NRBP2: variants seen among roughly 807,000 people sequenced by gnomAD.
NRBP2 encodes the protein nuclear receptor binding protein 2.
Under a neutral mutation model 74.4 loss-of-function variants are expected in NRBP2, and 47 were observed. The ratio of observed to expected loss-of-function variants is 0.63; its 90% CI spans 0.50 to 0.81. NRBP2 has a LOEUF of 0.81. Among genes scored for constraint, NRBP2 ranks in the 30% least tolerant of loss-of-function variants. NRBP2 has a pLI of 0.00. For synonymous variants in NRBP2, 312 were observed against 273.8 expected, an observed-to-expected ratio of 1.14 and a Z score of -1.38; for missense variants, 613 against 690.1, an observed-to-expected ratio of 0.89 and a Z score of 1.25.
At chr8:143,830,434 C>T (rs1818107614), downstream of NRBP2, among the ~76,000 whole-genome samples, 1 of 152,260 alleles carries the variant, frequency 6.6e-6, no homozygotes, top group South Asian at 2.1e-4. Flanking sequence ...TGAGGCCCTG[C>T]TCAAGCAAGG....
In NRBP2 at chr8:143,835,771, C is replaced by T. The variant is rs782763304; in HGVS notation, c.1438-41G>A. ...GGCATGGGGGACGGAGGGGCGCGGC[C>T]TGCCCCGTGCGCCCCCTCCGCCAGG... On this transcript the variant is annotated intron_variant, in intron 17 of 17. Coordinates refer to ENST00000442628, the MANE Select transcript of NRBP2 (RefSeq NM_178564.4). The surrounding 1 kb of genome is among the most constrained non-coding windows in gnomAD (Gnocchi z 4.9). The T allele has an allele frequency of 5.0e-6, 8 of 1,602,192 alleles. No homozygotes were observed. In the Admixed American group the frequency reaches 5.1e-5, roughly 10 times the overall value.
rs782063840 is a variant in NRBP2, at chr8:143,835,899, G to A, written c.1382-24C>T. Reference sequence around the variant, plus strand: ...CGCTGAGGCAATGGCGTAAGGCGAGGCATGAGGCCGCTGCCCACCCGCCGC... The same window carrying A: ...CGCTGAGGCAATGGCGTAAGGCGAGACATGAGGCCGCTGCCCACCCGCCGC... On this transcript the variant is annotated intron_variant, in intron 16 of 17. Transcript: ENST00000442628. The surrounding 1 kb of genome is among the most constrained non-coding windows in gnomAD (Gnocchi z 4.9). 2 of 1,598,514 alleles carry A rather than the reference G, an allele frequency of 1.3e-6. No individual in the cohort carries two copies. Among genetic ancestry groups the A allele is most frequent in the East Asian group, 2.2e-5 (1 of 44,566 alleles).
At chr8:143,830,401 C>T (rs556013805), downstream of NRBP2, among the ~76,000 whole-genome samples, 10 of 152,244 alleles carry the variant, frequency 6.6e-5, no homozygotes, top group Non-Finnish European at 1.3e-4. Context: ...GTGTCTGAGA[C>T]GTGAGCTCCA....
chr8:143,837,360 G>T lies in NRBP2; in HGVS notation c.1076+47C>A, dbSNP rs782313008. The T allele has an allele frequency of 3.3e-6, 5 of 1,528,832 alleles. No homozygotes were observed. In the South Asian group the frequency reaches 4.7e-5, roughly 14 times the overall value. The allele number at this position is 1,528,832 out of a possible 1,614,324, so 94.7% of individuals were successfully genotyped here. ...CGGGGCGAGGGGAGGGGAGGTGCGG[G>T]GAGGGGAGGTGTGGGGAGGGGAGGC... On this transcript the variant is annotated intron_variant, in intron 12 of 17. Coordinates refer to ENST00000442628, the MANE Select transcript of NRBP2 (RefSeq NM_178564.4). The surrounding 1 kb of genome is among the most constrained non-coding windows in gnomAD (Gnocchi z 4.3).
chr8:143,837,147 A>G lies in NRBP2; in HGVS notation c.1155T>C (p.Phe385=), dbSNP rs782656325. 1 of 1,612,292 alleles carries G rather than the reference A, an allele frequency of 6.2e-7. No homozygotes were observed. The highest frequency in any genetic ancestry group is 8.5e-7 in the Non-Finnish European group (1 of 1,178,734). Residue 385 remains phenylalanine, a synonymous_variant, in exon 14 of 18, where the codon TTT becomes TTC. Transcript: ENST00000442628. This position sits in a 1 kb window ranked among gnomAD's most constrained non-coding sequence, Gnocchi z 4.3. ...VRNGIYPLMN[F]AATRPLGLPR... is the part of the protein sequence containing the mutation. ...GCAGCCCCAGGGGTCGAGTGGCTGC[A>G]AAGTTCATCAGTGGGTAGATTCCAT...
chr8:143,833,354 TCTC>T (rs1818229697), downstream of NRBP2: 2 of 152,124 alleles, frequency 1.3e-5, no homozygotes, highest in South Asian at 4.1e-4. Context: ...CACCGTGTTC[TCTC>T]CTGAGACGTG....
chr8:143,839,817 G>A lies in NRBP2; in HGVS notation c.363C>T (p.Phe121=). 6.5e-7 allele frequency: 1 copy of A among 1,536,114 alleles called. No homozygotes were observed. The highest frequency in any genetic ancestry group is 8.7e-7 in the Non-Finnish European group (1 of 1,146,872). ...TGCCTGATGACACGTACTCTGTGAT[G>A]AAGATGACCTGCACGGTGCGAGCTC... ...DTSEACARVI[F]ITEYVSSGSL... Residue 121 remains phenylalanine, a synonymous_variant, in exon 4 of 18, where the codon TTC becomes TTT. Transcript: ENST00000442628. This position sits in a 1 kb window ranked among gnomAD's most constrained non-coding sequence, Gnocchi z 5.1.
chr8:143,839,489 AGGCCAGCCCAGGCCCTCACCTGAG>A lies in NRBP2; in HGVS notation c.481_485+19del. The A allele has an allele frequency of 6.5e-7, 1 of 1,532,196 alleles. No homozygotes were observed. The highest frequency in any genetic ancestry group is 8.7e-7 in the Non-Finnish European group (1 of 1,145,278). The allele number at this position is 1,532,196 out of a possible 1,614,324, so 94.9% of individuals were successfully genotyped here. On this transcript the variant is annotated splice_donor_variant and splice_donor_5th_base_variant and coding_sequence_variant and intron_variant, in exon 5 of 18. Coordinates refer to ENST00000442628, the MANE Select transcript of NRBP2 (RefSeq NM_178564.4). LOFTEE classifies it high-confidence loss of function. This position sits in a 1 kb window ranked among gnomAD's most constrained non-coding sequence, Gnocchi z 5.1. ...ATGGGGGCTCGGTGGCGCCGCGCCCAGGCCAGCCCAGGCCCTCACCTGAGCGCAGACAGGATCTGCGTGCACCAG... is the reference window on the plus strand; with the variant it reads ...ATGGGGGCTCGGTGGCGCCGCGCCCACGCAGACAGGATCTGCGTGCACCAG...
Position 143,839,173 on chromosome 8 carries a change from A to T in NRBP2, c.603T>A (p.Asn201Lys). 1.3e-6 allele frequency: 2 copies of T among 1,526,558 alleles called. No individual in the cohort carries two copies. Among genetic ancestry groups the T allele is most frequent in the Non-Finnish European group, 1.8e-6 (2 of 1,140,746 alleles). 94.6% of individuals were successfully genotyped at this position (1,526,558 alleles called of 1,614,324 possible). Residue 201 changes from asparagine to lysine, a missense_variant and splice_region_variant, in exon 7 of 18, where the codon AAT becomes AAA. Asn to Lys is a moderately conservative substitution (Grantham distance 94). This residue lies in a region of NRBP2 where 332 missense variants were observed against 429.2 expected (regional missense o/e 0.77). Transcript: ENST00000442628. This position sits in a 1 kb window ranked among gnomAD's most constrained non-coding sequence, Gnocchi z 5.1. ...CGTCCCCCCAAAGTCCGCACTTACC[A>T]TTGGAGAAGATTCGGTGCCACACTG... Reference protein sequence around the residue: ...IGSVWHRIFSNALPDDLRSPI... With the variant: ...IGSVWHRIFSKALPDDLRSPI...
chr8:143,837,966 C>T lies in NRBP2; in HGVS notation c.841-211G>A. ...GGACAGCTGGGTTCTGGGATTGGAG[C>T]ACCATGCTCTGCTTCCCTCGACCCC... On this transcript the variant is annotated intron_variant, in intron 10 of 17. Coordinates refer to ENST00000442628, the MANE Select transcript of NRBP2 (RefSeq NM_178564.4). This position sits in a 1 kb window ranked among gnomAD's most constrained non-coding sequence, Gnocchi z 4.3. 3 of 716,900 alleles carry T rather than the reference C, an allele frequency of 4.2e-6. No individual in the cohort carries two copies. Among genetic ancestry groups the T allele is most frequent in the Non-Finnish European group, 7.5e-6 (3 of 398,970 alleles). The allele number at this position is 716,900 out of a possible 1,614,324, so 44.4% of individuals were successfully genotyped here. A position where few individuals can be genotyped will look rare whatever the true frequency, so the allele number is the denominator to read the frequency against.
chr8:143,835,441 A>T lies in NRBP2; in HGVS notation c.*221T>A. 1.6e-6 allele frequency: 1 copy of T among 640,282 alleles called. No homozygotes were observed. The highest frequency in any genetic ancestry group is 2.8e-6 in the Non-Finnish European group (1 of 360,340). 39.7% of individuals were successfully genotyped at this position (640,282 alleles called of 1,614,324 possible). A position where few individuals can be genotyped will look rare whatever the true frequency, so the allele number is the denominator to read the frequency against. On this transcript the variant is annotated 3_prime_UTR_variant, in exon 18 of 18. Coordinates refer to ENST00000442628, the MANE Select transcript of NRBP2 (RefSeq NM_178564.4). This position sits in a 1 kb window ranked among gnomAD's most constrained non-coding sequence, Gnocchi z 4.9. ...GGTTCTGGGGGCAACCCTGATCCTA[A>T]GGACCTGGGAGGCCTAACGGCTCCC... is the stretch of plus-strand genomic sequence containing the variant.
intron 10 of NRBP2, chr8:143,838,020 C>T (rs1304762948): frequency 1.5e-5 from 10 of 686,470 alleles, no homozygotes; most frequent in Non-Finnish European, 2.7e-5. Flanking sequence ...AGCCATGATC[C>T]TAAAGTCACA....
downstream of NRBP2, among the ~76,000 whole-genome samples, chr8:143,832,739 C>T (rs1410343636): frequency 1.3e-5 from 2 of 152,224 alleles, no homozygotes; most frequent in African/African-American, 4.8e-5. Context: ...TGTCTTGTGA[C>T]CCTGACACAT....
Position 143,835,779 on chromosome 8 carries a change from T to G in NRBP2, c.1437+41A>C. 6.2e-7 allele frequency: 1 copy of G among 1,602,800 alleles called. No individual in the cohort carries two copies. Among genetic ancestry groups the G allele is most frequent in the South Asian group, 1.1e-5 (1 of 90,292 alleles). ...GGACGGAGGGGCGCGGCCTGCCCCG[T>G]GCGCCCCCTCCGCCAGGCCGCGCCG... is the stretch of plus-strand genomic sequence containing the variant. On this transcript the variant is annotated intron_variant, in intron 17 of 17. Coordinates refer to ENST00000442628, the MANE Select transcript of NRBP2 (RefSeq NM_178564.4). This position sits in a 1 kb window ranked among gnomAD's most constrained non-coding sequence, Gnocchi z 4.9.
Position 143,840,913 on chromosome 8 carries a change from C to G in NRBP2, c.-79G>C. On this transcript the variant is annotated 5_prime_UTR_variant, in exon 1 of 18. Transcript: ENST00000442628. This position sits in a 1 kb window ranked among gnomAD's most constrained non-coding sequence, Gnocchi z 5.7. ...TCTCCCGGCCCGCCCTGGCCTCGCGCCCAGCAGCCCAGCCTAGAGCCGCCG... is the reference window on the plus strand; with the variant it reads ...TCTCCCGGCCCGCCCTGGCCTCGCGGCCAGCAGCCCAGCCTAGAGCCGCCG... 8.2e-7 allele frequency: 1 copy of G among 1,212,528 alleles called. No homozygotes were observed. Among genetic ancestry groups the G allele is most frequent in the Non-Finnish European group, 1.0e-6 (1 of 979,338 alleles). 75.1% of individuals were successfully genotyped at this position (1,212,528 alleles called of 1,614,324 possible). A position where few individuals can be genotyped will look rare whatever the true frequency, so the allele number is the denominator to read the frequency against.
Position 143,837,823 on chromosome 8 carries a change from G to T in NRBP2, c.841-68C>A. ...CTGCTCTGGCCCCGCAGTTCGAGGA[G>T]AGGTGGCCCCTGAGTTCCCCATGTC... On this transcript the variant is annotated intron_variant, in intron 10 of 17. Coordinates refer to ENST00000442628, the MANE Select transcript of NRBP2 (RefSeq NM_178564.4). The surrounding 1 kb of genome is among the most constrained non-coding windows in gnomAD (Gnocchi z 4.3). 6.5e-7 allele frequency: 1 copy of T among 1,541,928 alleles called. No individual in the cohort carries two copies. Among genetic ancestry groups the T allele is most frequent in the African/African-American group, 1.4e-5 (1 of 73,118 alleles).
At chr8:143,838,985 G>A (rs782432747) in intron 8 of NRBP2, 32 bp downstream of exon 8, 31 of 1,560,792 alleles carry the variant, frequency 2.0e-5, no homozygotes, top group Non-Finnish European at 2.6e-5. Flanking sequence ...GCGCAGGGTA[G>A]GCACGGGGCA....
chr8:143,832,181 C>T (rs554876945), downstream of NRBP2, among the ~76,000 whole-genome samples: 34 of 152,004 alleles, frequency 2.2e-4, no homozygotes, highest in Non-Finnish European at 4.3e-4. Flanking sequence ...GGATTAAGGG[C>T]GGTGCAAGAT....
chr8:143,831,391 G>A (rs1275809186), downstream of NRBP2, among the ~76,000 whole-genome samples: 4 of 152,244 alleles, frequency 2.6e-5, no homozygotes, highest in Non-Finnish European at 5.9e-5. Context: ...TGAGGCAGGA[G>A]TATCACTTGG....
Sources: allele counts gnomAD v4.1 joint callset (sites outside exome capture counted in the v4.1 genomes callset), GRCh38; gene constraint gnomAD v4.1.1; regional missense constraint gnomAD v4.1.1; non-coding constraint Gnocchi (gnomAD v3.1); transcripts MANE v1.5; gene names NCBI Gene and HGNC (gene_info 2026-07-23, HGNC 2026-07-21).